The following MN1 variants were observed in gnomAD, a reference collection of about 807,000 sequenced individuals.
MN1 encodes the protein MN1 proto-oncogene, transcriptional regulator.
A neutral mutation model predicts 86.9 loss-of-function variants in MN1; 19 were observed. The observed-to-expected ratio is 0.22, with a 90% CI of 0.15 to 0.32. The LOEUF (loss-of-function observed/expected upper bound fraction) is 0.32, where lower values mean the gene tolerates loss of function less well. MN1 is among the 10% of genes least tolerant of loss of function. The pLI is 1.00. For missense variants in MN1, 1,841 were observed against 1,862.0 expected, an observed-to-expected ratio of 0.99 and a Z score of 0.21; for synonymous variants, 928 against 849.6, an observed-to-expected ratio of 1.09 and a Z score of -1.60.
intron 1 of MN1, among the ~76,000 whole-genome samples, chr22:27,792,708 C>T (rs573946109): frequency 1.3e-5 from 2 of 151,998 alleles, no homozygotes; most frequent in Non-Finnish European, 2.9e-5. Context: ...TTAACACCTG[C>T]GAAGTTTTGG....
chr22:27,800,692 A>C lies in MN1; in HGVS notation c.-149T>G, dbSNP rs766413649. 18 of 964,212 alleles carry C rather than the reference A, an allele frequency of 1.9e-5. No homozygotes were observed. Among genetic ancestry groups the C allele is most frequent in the Non-Finnish European group, 2.6e-5 (17 of 653,430 alleles). The allele number at this position is 964,212 out of a possible 1,614,324, so 59.7% of individuals were successfully genotyped here. A position where few individuals can be genotyped will look rare whatever the true frequency, so the allele number is the denominator to read the frequency against. On this transcript the variant is annotated 5_prime_UTR_variant, in exon 1 of 2. Coordinates refer to ENST00000302326, the MANE Select transcript of MN1 (RefSeq NM_002430.3). ...TCAGCGCGCACCTCCACCCCGCCTG[A>C]TGTGAGGGACGGGGGGCGGGGTATT... is the stretch of plus-strand genomic sequence containing the variant.
Position 27,763,958 on chromosome 22 carries a change from G to A in MN1, c.3782-12862C>T, listed in dbSNP as rs1932851206. Among the ~76,000 whole-genome samples, 4 of 152,318 alleles carry A rather than the reference G, an allele frequency of 2.6e-5. No homozygotes were observed. In the South Asian group the frequency reaches 6.2e-4, roughly 24 times the overall value. Reference sequence around the variant, plus strand: ...TTAAGCAAGCTTTGCAGGAAGAGGAGGCGAGAGGAGCACGCCAAACCCAGG... The same window carrying A: ...TTAAGCAAGCTTTGCAGGAAGAGGAAGCGAGAGGAGCACGCCAAACCCAGG... On this transcript the variant is annotated intron_variant, in intron 1 of 1. Coordinates refer to ENST00000302326, the MANE Select transcript of MN1 (RefSeq NM_002430.3).
intron 1 of MN1, among the ~76,000 whole-genome samples, chr22:27,766,215 C>T (rs552089663): frequency 6.6e-6 from 1 of 152,306 alleles, no homozygotes; most frequent in South Asian, 2.1e-4. Flanking sequence ...CCTAAAGATG[C>T]CACCCAAGTG....
At chr22:27,796,122 A>G (rs1055593300) in intron 1 of MN1, among the ~76,000 whole-genome samples, 2 of 152,040 alleles carry the variant, frequency 1.3e-5, no homozygotes, top group African/African-American at 4.8e-5. Context: ...GCCTCCTGCA[A>G]CCCCCACAGG....
rs1933413467 is a variant in MN1 at position 27,800,460 on chromosome 22, C to T, written c.84G>A (p.Leu28=). ...GGGCCTTAAAGTGGGTGTTCATGCT[C>T]AGTCCGGTCTCGTTAAAGTTCCTCT... is the stretch of plus-strand genomic sequence containing the variant. ...QGERNFNETG[L]SMNTHFKAPA... Residue 28 remains leucine, a synonymous_variant, in exon 1 of 2, where the codon CTG becomes CTA. Transcript: ENST00000302326. The T allele has an allele frequency of 1.2e-6, 2 of 1,614,208 alleles. No individual in the cohort carries two copies. The highest frequency in any genetic ancestry group is 4.5e-5 in the East Asian group (2 of 44,870).
In MN1 at chr22:27,749,878, C is replaced by A; in HGVS notation, c.*1037G>T. On this transcript the variant is annotated 3_prime_UTR_variant, in exon 2 of 2. Coordinates refer to ENST00000302326, the MANE Select transcript of MN1 (RefSeq NM_002430.3). ...GTGGAGGAGATACACGCAGTCCCCT[C>A]CTTCTTCCCTGGGATGCCCGGCCAG... 4.3e-6 allele frequency: 1 copy of A among 230,428 alleles called. No individual in the cohort carries two copies. The highest frequency in any genetic ancestry group is 5.7e-5 in the Admixed American group (1 of 17,696). The allele number at this position is 230,428 out of a possible 1,614,324, so 14.3% of individuals were successfully genotyped here.
In MN1 at chr22:27,798,450, C is replaced by T. The variant is rs779480229; in HGVS notation, c.2094G>A (p.Pro698=). 9.0e-6 allele frequency: 14 copies of T among 1,561,980 alleles called. No homozygotes were observed. Among genetic ancestry groups the T allele is most frequent in the Non-Finnish European group, 1.1e-5 (13 of 1,163,382 alleles). ...GEGHVPALPS[P]GLQFGGSLGG... ...CCAGACTGCCCCCGAACTGCAGGCC[C>T]GGTGAAGGCAGCGCGGGCACGTGGC... The change falls in exon 1 of 2, where the codon CCG becomes CCA. Residue 698 remains proline (P), a synonymous_variant. Coordinates refer to ENST00000302326, the MANE Select transcript of MN1 (RefSeq NM_002430.3).
At position 27,798,945 on chromosome 22, in the gene MN1, T is replaced by A. The variant is rs45480998; in HGVS notation, c.1599A>T (p.Gln533His). ...QQQQQQQQQQ[Q>H]QQQQQQQQQQ... ...GCTGTTGCTGCTGCTGCTGCTGCTG[T>A]TGCTGCTGCTGCTGCTGCTGCTGCT... Residue 533 changes from glutamine (Q) to histidine (H), a missense_variant, in exon 1 of 2, where the codon CAA becomes CAT. Transcript: ENST00000302326. The A allele has an allele frequency of 1.3e-6, 2 of 1,539,590 alleles. No homozygotes were observed.
At position 27,765,262 on chromosome 22, in the gene MN1, T is replaced by C. The variant is rs554339444; in HGVS notation, c.3782-14166A>G. On this transcript the variant is annotated intron_variant, in intron 1 of 1. Coordinates refer to ENST00000302326, the MANE Select transcript of MN1 (RefSeq NM_002430.3). ...GTGCTCAGTCCATGCTCCTGATCTA[T>C]GAAGATTCGTGCTGTCACTTTTAGG... Among the ~76,000 whole-genome samples the C allele has an allele frequency of 3.9e-5, 6 of 152,350 alleles. No homozygotes were observed. In the South Asian group the frequency reaches 1.2e-3, roughly 32 times the overall value.
At chr22:27,759,726 G>A (rs749706957) in intron 1 of MN1, among the ~76,000 whole-genome samples, 2 of 152,212 alleles carry the variant, frequency 1.3e-5, no homozygotes, top group Non-Finnish European at 2.9e-5. Context: ...CACACAGTAG[G>A]CACCTGATAA....
At chr22:27,755,167 G>A (rs1932794166) in intron 1 of MN1, among the ~76,000 whole-genome samples, 1 of 152,176 alleles carries the variant, frequency 6.6e-6, no homozygotes, top group African/African-American at 2.4e-5. Context: ...AGGCCAGGGT[G>A]GAATCCCAAA....
In MN1 at chr22:27,798,157, C is replaced by T. The variant is rs868435747; in HGVS notation, c.2387G>A (p.Arg796His). 1.9e-6 allele frequency: 3 copies of T among 1,588,100 alleles called. No individual in the cohort carries two copies. Among genetic ancestry groups the T allele is most frequent in the Non-Finnish European group, 8.5e-7 (1 of 1,172,166 alleles). The change falls in exon 1 of 2, where the codon CGC (arginine) becomes CAC (histidine). Residue 796 changes from arginine (R) to histidine (H), a missense_variant. By Grantham distance (29) the Arg-to-His change is conservative. Transcript: ENST00000302326. ...PPQPDFQPSQ[R>H]TSASKLGALS... ...CGCGCCCAATTTACTGGCCGAGGTG[C>T]GCTGGCTGGGCTGGAAATCAGGCTG... is the stretch of plus-strand genomic sequence containing the variant.
intron 1 of MN1, among the ~76,000 whole-genome samples, chr22:27,790,307 T>A (rs1933193211): frequency 6.6e-6 from 1 of 152,212 alleles, no homozygotes; most frequent in Non-Finnish European, 1.5e-5. Flanking sequence ...TGGCAGGGTA[T>A]CATCTCACCC....
chr22:27,788,117 T>A (rs1933160741), intron 1 of MN1, among the ~76,000 whole-genome samples: 2 of 152,198 alleles, frequency 1.3e-5, no homozygotes, highest in Non-Finnish European at 2.9e-5. Context: ...TAAATTATTT[T>A]CCACTCGCGA....
chr22:27,758,643 C>T (rs1009234614), intron 1 of MN1, among the ~76,000 whole-genome samples: 2 of 152,176 alleles, frequency 1.3e-5, no homozygotes, highest in Non-Finnish European at 2.9e-5. Context: ...CCCAGCAGCT[C>T]AAGCTTGGGC....
intron 1 of MN1, among the ~76,000 whole-genome samples, chr22:27,781,854 GCT>G (rs148328533): frequency 1.1e-3 from 159 of 147,622 alleles, no homozygotes; most frequent in Middle Eastern, 6.9e-3. Flanking sequence ...TCACTCTCAA[GCT>G]CTCTCTCTCT....
chr22:27,782,025 C>T (rs1391034501), intron 1 of MN1, among the ~76,000 whole-genome samples: 1 of 152,122 alleles, frequency 6.6e-6, no homozygotes, highest in African/African-American at 2.4e-5. Context: ...GGGCCGCGGA[C>T]CAGCTCATCT....
At chr22:27,774,174 G>A (rs1284133971) in intron 1 of MN1, among the ~76,000 whole-genome samples, 2 of 152,294 alleles carry the variant, frequency 1.3e-5, no homozygotes, top group East Asian at 1.9e-4. Context: ...AGCTCTCTGG[G>A]AGAATGCAAA....
chr22:27,771,872 C>T (rs1167759649), intron 1 of MN1, among the ~76,000 whole-genome samples: 1 of 152,174 alleles, frequency 6.6e-6, no homozygotes, highest in Non-Finnish European at 1.5e-5. Flanking sequence ...CCCAAGGTCC[C>T]ACAGCTGGTG....
Sources: gnomAD v4.1 joint callset for allele counts (sites outside exome capture counted in the v4.1 genomes callset) on GRCh38, gnomAD v4.1.1 for gene constraint, MANE v1.5 for transcripts, NCBI Gene and HGNC (gene_info 2026-07-23, HGNC 2026-07-21) for gene names.